FAM107B: variants seen among roughly 807,000 people sequenced by gnomAD.
FAM107B encodes the protein family with sequence similarity 107 member B.
In FAM107B, 21 loss-of-function variants were observed where a neutral mutation model predicts 31.5. That is an observed-to-expected ratio of 0.67 (90% confidence interval 0.47 to 0.96). FAM107B has a LOEUF of 0.96. Ranked by LOEUF, FAM107B falls within the 40% of genes least tolerant of loss-of-function variation. The pLI is 0.00. For missense variants in FAM107B, 452 were observed against 377.1 expected (o/e 1.20, Z -1.64); for synonymous variants, 157 against 141.5 (o/e 1.11, Z -0.78).
At chr10:14,659,109 G>C (rs1854152088) in intron 2 of FAM107B, among the ~76,000 whole-genome samples, 2 of 152,132 alleles carry the variant, frequency 1.3e-5, no homozygotes, top group Admixed American at 1.3e-4. Flanking sequence ...ATCCCCAGTA[G>C]CATTTTCCGT....
chr10:14,767,024 G>GTGTA (rs1219301209), intron 1 of FAM107B, among the ~76,000 whole-genome samples: 7 of 16,234 alleles, frequency 4.3e-4, no homozygotes, highest in Non-Finnish European at 1.4e-3. Flanking sequence ...TGATGTGTAT[G>GTGTA]TATATATATA....
intron 2 of FAM107B, among the ~76,000 whole-genome samples, chr10:14,569,820 G>A (rs1851037898): frequency 6.6e-6 from 1 of 152,114 alleles, no homozygotes; most frequent in Non-Finnish European, 1.5e-5. Flanking sequence ...TGGGACTCTC[G>A]CGCCTACTGA....
chr10:14,642,865 T>C (rs777597529), intron 2 of FAM107B, among the ~76,000 whole-genome samples: 4 of 152,238 alleles, frequency 2.6e-5, no homozygotes, highest in Non-Finnish European at 5.9e-5. Flanking sequence ...TGTTAGTTTA[T>C]GAAAAGAATC....
intron 2 of FAM107B, among the ~76,000 whole-genome samples, chr10:14,539,699 G>A (rs1388771519): frequency 6.6e-6 from 1 of 152,160 alleles, no homozygotes; most frequent in Non-Finnish European, 1.5e-5. Context: ...AGGGAAGGAG[G>A]TAAAAATGGC....
intron 3 of FAM107B, among the ~76,000 whole-genome samples, chr10:14,522,660 C>T (rs143696475): frequency 1.4e-3 from 211 of 152,092 alleles, no homozygotes; most frequent in African/African-American, 4.7e-3. Flanking sequence ...GGGATCCACT[C>T]GCCTCGGCCT....
chr10:14,670,379 G>A (rs185947993), intron 1 of FAM107B, among the ~76,000 whole-genome samples: 2 of 152,240 alleles, frequency 1.3e-5, no homozygotes, highest in Admixed American at 1.3e-4. Context: ...TTTGAAGTGG[G>A]TATGAATTAA....
intron 2 of FAM107B, among the ~76,000 whole-genome samples, chr10:14,566,004 A>T (rs1241727218): frequency 6.6e-6 from 1 of 152,210 alleles, no homozygotes; most frequent in East Asian, 1.9e-4. Context: ...CTTCATGGGC[A>T]TGGGACCTTC....
At chr10:14,612,974 TTTTA>T (rs1852761413) in intron 2 of FAM107B, among the ~76,000 whole-genome samples, 2 of 152,048 alleles carry the variant, frequency 1.3e-5, no homozygotes, top group African/African-American at 4.8e-5. Context: ...CTTTTTTTAA[TTTTA>T]TTTATTTATT....
chr10:14,622,990 C>A (rs1853056534), intron 2 of FAM107B, among the ~76,000 whole-genome samples: 1 of 152,142 alleles, frequency 6.6e-6, no homozygotes, highest in South Asian at 2.1e-4. Flanking sequence ...TGCAAAGCAA[C>A]CTGAGTAAAG....
Position 14,721,092 on chromosome 10 carries a change from G to A in FAM107B, c.411+53161C>T, listed in dbSNP as rs1290743217. Among the ~76,000 whole-genome samples the A allele has an allele frequency of 5.3e-5, 8 of 152,146 alleles. 1 individual carries two copies. Among genetic ancestry groups the A allele is most frequent in the Non-Finnish European group, 1.2e-4 (8 of 68,036 alleles). On this transcript the variant is annotated intron_variant, in intron 1 of 4. Transcript: ENST00000181796. ...TCCCACCCATGAGTGAGAACATGCG[G>A]TGTTTTGTTTTCTGTCCTTGTAATA...
At chr10:14,521,772 A>T (rs902884357) in intron 4 of FAM107B, 97 bp downstream of exon 4, 1 of 1,493,564 alleles carries the variant, frequency 6.7e-7, no homozygotes, top group Non-Finnish European at 9.0e-7. Context: ...GTATAAATGT[A>T]TACACTGGCA....
Position 14,521,926 on chromosome 10 carries a change from C to T in FAM107B, c.747G>A (p.Gln249=). ...QVIKQKEEEA[Q]KKKSDLEIEL... ...CTATTTCCAAGTCAGATTTCTTCTTCTGTGCTTCTTCTTCCTTCTGCTTTA... is the reference window on the plus strand; with the variant it reads ...CTATTTCCAAGTCAGATTTCTTCTTTTGTGCTTCTTCTTCCTTCTGCTTTA... Residue 249 remains glutamine (Q), a synonymous_variant, in exon 4 of 5, where the codon CAG becomes CAA. Transcript: ENST00000181796. The T allele has an allele frequency of 1.9e-6, 3 of 1,614,186 alleles. No individual in the cohort carries two copies. The highest frequency in any genetic ancestry group is 2.5e-6 in the Non-Finnish European group (3 of 1,180,028).
At chr10:14,529,661 T>C (rs1301510509) in intron 3 of FAM107B, 1 of 152,026 alleles carries the variant, frequency 6.6e-6, no homozygotes, top group Non-Finnish European at 1.5e-5. Context: ...AAAATAGCCT[T>C]TCATCCTCAG....
At chr10:14,684,026 G>C (rs1854914243) in intron 1 of FAM107B, among the ~76,000 whole-genome samples, 1 of 152,190 alleles carries the variant, frequency 6.6e-6, no homozygotes, top group Non-Finnish European at 1.5e-5. Context: ...TATAGCTCTA[G>C]AGGCTGCAAA....
At chr10:14,767,039 TATATATATATATATATAG>T (rs1348678851) in intron 1 of FAM107B, among the ~76,000 whole-genome samples, 3 of 34,356 alleles carry the variant, frequency 8.7e-5, no homozygotes, top group African/African-American at 1.5e-4. Context: ...TATATATATA[TATATATATATATATATAG>T]AGAGAGAGAG....
chr10:14,722,378 C>T (rs1296518082), intron 1 of FAM107B, among the ~76,000 whole-genome samples: 1 of 152,190 alleles, frequency 6.6e-6, no homozygotes, highest in African/African-American at 2.4e-5. Flanking sequence ...TACTTCATCC[C>T]TTTTCATTGC....
intron 1 of FAM107B, among the ~76,000 whole-genome samples, chr10:14,717,169 T>C (rs1205526650): frequency 6.6e-6 from 1 of 152,206 alleles, no homozygotes; most frequent in African/African-American, 2.4e-5. Context: ...CTTATTAATA[T>C]TGAGATGCCT....
At chr10:14,541,826 A>G (rs1848233657) in intron 2 of FAM107B, among the ~76,000 whole-genome samples, 1 of 152,206 alleles carries the variant, frequency 6.6e-6, no homozygotes, top group South Asian at 2.1e-4. Context: ...CAGACACAGA[A>G]GAGCTAGGAG....
At chr10:14,541,622 C>A (rs908336792) in intron 2 of FAM107B, among the ~76,000 whole-genome samples, 1 of 152,208 alleles carries the variant, frequency 6.6e-6, no homozygotes, top group Non-Finnish European at 1.5e-5. Flanking sequence ...CCACTGGACG[C>A]CCCTTGCCTC....
Sources: gnomAD v4.1 joint callset for allele counts (sites outside exome capture counted in the v4.1 genomes callset) on GRCh38, gnomAD v4.1.1 for gene constraint, MANE v1.5 for transcripts, NCBI Gene and HGNC (gene_info 2026-07-23, HGNC 2026-07-21) for gene names.